TAPBPL: variants seen among roughly 807,000 people sequenced by gnomAD.
TAPBPL encodes tapasin-related protein.
A neutral mutation model predicts 44.8 loss-of-function variants in TAPBPL; 32 were observed. That is an observed-to-expected ratio of 0.71 (90% CI 0.54 to 0.96). The LOEUF (loss-of-function observed/expected upper bound fraction) is 0.96, where lower values mean the gene tolerates loss of function less well. Among genes scored for constraint, TAPBPL ranks in the 40% least tolerant of loss-of-function variants. The pLI is 0.00. For missense variants in TAPBPL, 520 were observed against 586.6 expected, an observed-to-expected ratio of 0.89 and a Z score of 1.17; for synonymous variants, 230 against 240.7, an observed-to-expected ratio of 0.96 and a Z score of 0.41.
In TAPBPL at chr12:6,462,284, C is replaced by T. The variant is rs1424308962; in HGVS notation, c.*135C>T. On this transcript the variant is annotated 3_prime_UTR_variant, in exon 7 of 7. Transcript: ENST00000266556. Reference sequence around the variant, plus strand: ...TTTTGCCTTTGTTCAGAATACATGACATTGGTAAATATGCCACATGCCTTT... The same window carrying T: ...TTTTGCCTTTGTTCAGAATACATGATATTGGTAAATATGCCACATGCCTTT... 6 of 670,620 alleles carry T rather than the reference C, an allele frequency of 8.9e-6. No homozygotes were observed. Among genetic ancestry groups the T allele is most frequent in the African/African-American group, 1.8e-5 (1 of 55,248 alleles). 41.5% of individuals were successfully genotyped at this position (670,620 alleles called of 1,614,324 possible). A position where few individuals can be genotyped will look rare whatever the true frequency, so the allele number is the denominator to read the frequency against.
At chr12:6,455,156 TTC>T (rs1241738857) in intron 3 of TAPBPL, among the ~76,000 whole-genome samples, 1 of 152,164 alleles carries the variant, frequency 6.6e-6, no homozygotes, top group East Asian at 1.9e-4. Context: ...ATTTGCCACA[TTC>T]TCTCTCCCCC....
At chr12:6,465,359 T>C, downstream of TAPBPL, 1 of 132,612 alleles carries the variant, frequency 7.5e-6, no homozygotes. Flanking sequence ...AAGAAAAAAG[T>C]ATATATATAT....
chr12:6,460,707 C>A, intron 5 of TAPBPL, 148 bp from the exon 6 acceptor site: 2 of 664,958 alleles, frequency 3.0e-6, no homozygotes, highest in South Asian at 1.8e-5. Context: ...AGAACAAATG[C>A]TGCTGAGTGC....
intron 4 of TAPBPL, among the ~76,000 whole-genome samples, chr12:6,458,116 G>C (rs1245596977): frequency 6.6e-6 from 1 of 152,174 alleles, no homozygotes; most frequent in African/African-American, 2.4e-5. Flanking sequence ...GGCCGGGCGC[G>C]GTGGCTCACA....
chr12:6,470,731 AAC>A (rs1335409850), downstream of TAPBPL: 28 of 658,278 alleles, frequency 4.3e-5, no homozygotes, highest in South Asian at 4.5e-4. Context: ...CCTCCCGGAT[AAC>A]GGTGACAACC....
At chr12:6,458,565 G>T in intron 4 of TAPBPL, 80 bp from the exon 5 acceptor site, 1 of 1,518,760 alleles carries the variant, frequency 6.6e-7, no homozygotes, top group Non-Finnish European at 8.9e-7. Context: ...CTCTCATCTT[G>T]GCAGGAAGAA....
intron 1 of TAPBPL, 86 bp downstream of exon 1, chr12:6,452,398 A>G (rs1038424261): frequency 3.2e-5 from 48 of 1,509,986 alleles, no homozygotes; most frequent in Non-Finnish European, 3.6e-5. Context: ...CCAGAAGAGC[A>G]AAGGGGCCGG....
downstream of TAPBPL, chr12:6,463,903 A>C (rs762638803): frequency 2.3e-6 from 3 of 1,285,950 alleles, no homozygotes; most frequent in East Asian, 5.6e-5. The surrounding 1 kb of genome is among the most constrained non-coding windows in gnomAD (Gnocchi z 4.0). Context: ...AAATAACTAC[A>C]AAAAACAAGT....
chr12:6,470,312 C>A (rs1050578837), downstream of TAPBPL, among the ~76,000 whole-genome samples: 1 of 152,116 alleles, frequency 6.6e-6, no homozygotes, highest in Non-Finnish European at 1.5e-5. Flanking sequence ...GGGACCCCTG[C>A]GCCCCTGCCC....
chr12:6,456,015 C>T (rs1949694299), intron 3 of TAPBPL, among the ~76,000 whole-genome samples: 1 of 152,020 alleles, frequency 6.6e-6, no homozygotes, highest in African/African-American at 2.4e-5. Context: ...CCATCTCGGC[C>T]TCCCAAAGTG....
At chr12:6,458,439 ACTAT>A (rs954487059) in intron 4 of TAPBPL, among the ~76,000 whole-genome samples, 3 of 151,180 alleles carry the variant, frequency 2.0e-5, no homozygotes, top group African/African-American at 7.3e-5. Context: ...AGTTGGCTTT[ACTAT>A]CTGTTTTCTG....
chr12:6,459,099 G>A, intron 5 of TAPBPL, 152 bp downstream of exon 5: 3 of 884,590 alleles, frequency 3.4e-6, no homozygotes, highest in Non-Finnish European at 5.0e-6. Flanking sequence ...TTTTCCCAAG[G>A]CGGCAGCTGC....
chr12:6,452,240 G>A lies in TAPBPL; in HGVS notation c.-9G>A. On this transcript the variant is annotated 5_prime_UTR_variant, in exon 1 of 7. Transcript: ENST00000266556. ...CGGTGGGCAAGGAGGGAACTCGAGA[G>A]CAGCCTCCATGGGCACACAGGAGGG... is the stretch of plus-strand genomic sequence containing the variant. 2 of 1,569,150 alleles carry A rather than the reference G, an allele frequency of 1.3e-6. No individual in the cohort carries two copies. The highest frequency in any genetic ancestry group is 1.7e-6 in the Non-Finnish European group (2 of 1,157,168).
At chr12:6,462,575 A>T (rs1949904440), downstream of TAPBPL, 2 of 562,942 alleles carry the variant, frequency 3.6e-6, no homozygotes, top group Non-Finnish European at 3.1e-6. Context: ...GAAAGAAAGT[A>T]GAAGGGCTAA....
At chr12:6,452,026 C>A (rs71584819), upstream of TAPBPL, 10 of 591,170 alleles carry the variant, frequency 1.7e-5, no homozygotes, top group Admixed American at 6.0e-5. Flanking sequence ...GCAAGCAGGG[C>A]TCTGGCAGCT....
downstream of TAPBPL, chr12:6,464,982 G>A (rs1353652293): frequency 2.5e-6 from 4 of 1,611,268 alleles, no homozygotes; most frequent in Non-Finnish European, 3.4e-6. Flanking sequence ...TGGATTTCAG[G>A]AATGAGGAAA....
rs1949573314 is a variant in TAPBPL at position 6,452,404 on chromosome 12, G to A, written c.64+92G>A. The A allele has an allele frequency of 3.3e-6, 5 of 1,500,488 alleles. No homozygotes were observed. In the South Asian group the frequency reaches 6.6e-5, roughly 20 times the overall value. The allele number at this position is 1,500,488 out of a possible 1,614,324, so 92.9% of individuals were successfully genotyped here. A position where few individuals can be genotyped will look rare whatever the true frequency, so the allele number is the denominator to read the frequency against. On this transcript the variant is annotated intron_variant, in intron 1 of 6. Coordinates refer to ENST00000266556, the MANE Select transcript of TAPBPL (RefSeq NM_018009.5). ...CCCGAGATTCCAGAAGAGCAAAGGG[G>A]CCGGGGATGACCCCATCGCCTTCTA... is the stretch of plus-strand genomic sequence containing the variant.
chr12:6,468,355 A>C (rs140825588), downstream of TAPBPL, among the ~76,000 whole-genome samples: 1 of 152,234 alleles, frequency 6.6e-6, no homozygotes, highest in African/African-American at 2.4e-5. Context: ...CAGGGCTGCC[A>C]TAAGGGCAGC....
chr12:6,468,575 T>C (rs565049964), downstream of TAPBPL, among the ~76,000 whole-genome samples: 6 of 152,372 alleles, frequency 3.9e-5, no homozygotes, highest in South Asian at 1.2e-3. Context: ...ATAGACATTC[T>C]GTCCCTTCCT....
Sources: gnomAD v4.1 joint callset for allele counts (sites outside exome capture counted in the v4.1 genomes callset) on GRCh38, gnomAD v4.1.1 for gene constraint, Gnocchi (gnomAD v3.1) non-coding constraint, MANE v1.5 for transcripts, NCBI Gene and HGNC (gene_info 2026-07-23, HGNC 2026-07-21) for gene names.